Variants in DTX4 observed in about 807,000 individuals in gnomAD.
DTX4 encodes E3 ubiquitin-protein ligase DTX4.
A neutral mutation model predicts 57.6 loss-of-function variants in DTX4; 28 were observed. The observed-to-expected ratio is 0.49, with a 90% confidence interval of 0.36 to 0.67. The LOEUF (loss-of-function observed/expected upper bound fraction) is 0.67, where lower values mean the gene tolerates loss of function less well. Ranked by LOEUF, DTX4 falls within the 30% of genes least tolerant of loss-of-function variation. The pLI is 0.00. For synonymous variants in DTX4, 316 were observed against 331.0 expected (o/e 0.95, Z 0.49); for missense variants, 715 against 836.8 (o/e 0.85, Z 1.80).
At chr11:59,193,114 C>T (rs1256964945) in intron 6 of DTX4, among the ~76,000 whole-genome samples, 1 of 151,972 alleles carries the variant, frequency 6.6e-6, no homozygotes, top group African/African-American at 2.4e-5. Context: ...GATTATACGT[C>T]TGTCTGGTCT....
chr11:59,178,255 C>T (rs1225510870), intron 1 of DTX4, among the ~76,000 whole-genome samples: 1 of 151,060 alleles, frequency 6.6e-6, no homozygotes, highest in African/African-American at 2.4e-5. Context: ...TATGAGGGGG[C>T]CATGTATGTT....
rs1862809611 is a variant in DTX4 at position 59,206,432 on chromosome 11, C to G, written c.*1523C>G. ...CCAATTCCCCCTTTGAAAGTGGGTTCTTTGAACTATGTGTTTGGGGGAAGT... is the reference window on the plus strand; with the variant it reads ...CCAATTCCCCCTTTGAAAGTGGGTTGTTTGAACTATGTGTTTGGGGGAAGT... On this transcript the variant is annotated 3_prime_UTR_variant, in exon 9 of 9. Transcript: ENST00000227451. 1.3e-5 allele frequency: 2 copies of G among 151,330 alleles called. No individual in the cohort carries two copies. The highest frequency in any genetic ancestry group is 2.9e-5 in the Non-Finnish European group (2 of 67,932). The allele number at this position is 151,330 out of a possible 1,614,324, so 9.4% of individuals were successfully genotyped here. A position where few individuals can be genotyped will look rare whatever the true frequency, so the allele number is the denominator to read the frequency against.
chr11:59,205,388 G>T lies in DTX4; in HGVS notation c.*479G>T. 1 of 171,158 alleles carries T rather than the reference G, an allele frequency of 5.8e-6. No individual in the cohort carries two copies. Among genetic ancestry groups the T allele is most frequent in the East Asian group, 1.5e-4 (1 of 6,878 alleles). The allele number at this position is 171,158 out of a possible 1,614,324, so 10.6% of individuals were successfully genotyped here. A position where few individuals can be genotyped will look rare whatever the true frequency, so the allele number is the denominator to read the frequency against. ...GGGAGCTCTCACTGTGCAAGGTTGG[G>T]GGGTGGGCAAAGGGGTGAATCACTA... is the stretch of plus-strand genomic sequence containing the variant. On this transcript the variant is annotated 3_prime_UTR_variant, in exon 9 of 9. Coordinates refer to ENST00000227451, the MANE Select transcript of DTX4 (RefSeq NM_015177.2).
intron 7 of DTX4, among the ~76,000 whole-genome samples, chr11:59,196,639 C>G (rs1429834818): frequency 6.6e-6 from 1 of 152,212 alleles, no homozygotes; most frequent in Non-Finnish European, 1.5e-5. Flanking sequence ...GTAATACCAC[C>G]TGTGCTCTGC....
intron 1 of DTX4, among the ~76,000 whole-genome samples, chr11:59,176,724 A>C (rs1475744745): frequency 6.6e-6 from 1 of 152,204 alleles, no homozygotes; most frequent in Admixed American, 6.5e-5. Context: ...AGAAGCTGAA[A>C]GGTTTTGGGT....
In DTX4 at chr11:59,207,991, C is replaced by G. The variant is rs971212611; in HGVS notation, c.*3082C>G. ...GAAAGGACCCCTGACCCCTTTCCTT[C>G]TCTGTGGTCCCCGGCATTAGATTGG... On this transcript the variant is annotated 3_prime_UTR_variant, in exon 9 of 9. Coordinates refer to ENST00000227451, the MANE Select transcript of DTX4 (RefSeq NM_015177.2). The G allele has an allele frequency of 6.6e-6, 1 of 152,650 alleles. No homozygotes were observed. Among genetic ancestry groups the G allele is most frequent in the African/African-American group, 2.4e-5 (1 of 41,406 alleles). 9.5% of individuals were successfully genotyped at this position (152,650 alleles called of 1,614,324 possible).
Position 59,189,204 on chromosome 11 carries a change from G to T in DTX4, c.1040G>T (p.Cys347Phe). 2 of 1,613,708 alleles carry T rather than the reference G, an allele frequency of 1.2e-6. No homozygotes were observed. The highest frequency in any genetic ancestry group is 1.7e-6 in the Non-Finnish European group (2 of 1,179,836). ...ATGAGTGCAGCGGGGCTGCCTGTGT[G>T]TCTCACCAGGCCACCAAAGCTGGTC... ...ILMSAAGLPV[C>F]LTRPPKLVLH... The change falls in exon 4 of 9, where the codon TGT (cysteine) becomes TTT (phenylalanine). Residue 347 changes from cysteine (C) to phenylalanine (F), a missense_variant. Cys to Phe is a radical substitution (Grantham distance 205, BLOSUM62 -2). Coordinates refer to ENST00000227451, the MANE Select transcript of DTX4 (RefSeq NM_015177.2).
rs781084656 is a variant in DTX4, at chr11:59,181,980, C to T, written c.453C>T (p.Arg151=). ...TCAACCGTCAGACCCAGCGCCAACG[C>T]CGCGTCCGCCGGCGCCTCGACCTCA... ...GQINRQTQRQ[R]RVRRRLDLIY... The change falls in exon 2 of 9, where the codon CGC becomes CGT. Residue 151 remains arginine, a synonymous_variant. Coordinates refer to ENST00000227451, the MANE Select transcript of DTX4 (RefSeq NM_015177.2). 9 of 1,613,852 alleles carry T rather than the reference C, an allele frequency of 5.6e-6. No individual in the cohort carries two copies. Among genetic ancestry groups the T allele is most frequent in the African/African-American group, 1.3e-5 (1 of 74,918 alleles).
chr11:59,189,200 G>T lies in DTX4; in HGVS notation c.1036G>T (p.Val346Leu). 1.2e-6 allele frequency: 2 copies of T among 1,613,772 alleles called. No individual in the cohort carries two copies. Among genetic ancestry groups the T allele is most frequent in the Non-Finnish European group, 1.7e-6 (2 of 1,179,856 alleles). ...CCTCATGAGTGCAGCGGGGCTGCCT[G>T]TGTGTCTCACCAGGCCACCAAAGCT... ...GILMSAAGLP[V>L]CLTRPPKLVL... The change falls in exon 4 of 9, where the codon GTG becomes TTG. Residue 346 changes from valine to leucine, a missense_variant. By Grantham distance (32) the Val-to-Leu change is conservative (BLOSUM62 1). Coordinates refer to ENST00000227451, the MANE Select transcript of DTX4 (RefSeq NM_015177.2).
chr11:59,173,924 C>T (rs1049701485), intron 1 of DTX4, among the ~76,000 whole-genome samples: 1 of 152,116 alleles, frequency 6.6e-6, no homozygotes, highest in Non-Finnish European at 1.5e-5. Flanking sequence ...TCTGGCTCGG[C>T]TTTCCCAAGA....
intron 7 of DTX4, among the ~76,000 whole-genome samples, chr11:59,199,453 G>C (rs542304288): frequency 6.6e-6 from 1 of 152,340 alleles, no homozygotes; most frequent in African/African-American, 2.4e-5. Flanking sequence ...AGCCCCAAGA[G>C]AGGGTTCCAG....
At position 59,185,923 on chromosome 11, in the gene DTX4, G is replaced by A. The variant is rs114389328; in HGVS notation, c.936-2812G>A. Among the ~76,000 whole-genome samples, 701 of 152,244 alleles carry A rather than the reference G, an allele frequency of 4.6e-3. 6 individuals carry two copies. Among genetic ancestry groups the A allele is most frequent in the African/African-American group, 0.016 (678 of 41,536 alleles). ...TTAGGATGCCCTGTTCACGGCTGTGGTAACTTAGATATGGTCAACAGAACG... is the reference window on the plus strand; with the variant it reads ...TTAGGATGCCCTGTTCACGGCTGTGATAACTTAGATATGGTCAACAGAACG... On this transcript the variant is annotated intron_variant, in intron 2 of 8. Transcript: ENST00000227451.
chr11:59,197,442 G>C (rs746971022), intron 7 of DTX4, among the ~76,000 whole-genome samples: 1 of 152,162 alleles, frequency 6.6e-6, no homozygotes, highest in Non-Finnish European at 1.5e-5. Context: ...GCATGAAGGA[G>C]ATGGAGGGAG....
At chr11:59,184,830 ATCT>A (rs1862508223) in intron 2 of DTX4, among the ~76,000 whole-genome samples, 1 of 152,018 alleles carries the variant, frequency 6.6e-6, no homozygotes, top group Non-Finnish European at 1.5e-5. Context: ...ACTCCTCTCG[ATCT>A]TCCAGCCCTT....
At chr11:59,173,391 G>C (rs975440836) in intron 1 of DTX4, among the ~76,000 whole-genome samples, 1 of 152,224 alleles carries the variant, frequency 6.6e-6, no homozygotes, top group African/African-American at 2.4e-5. Context: ...TAAGGGAAGC[G>C]CCGGGCTCCC....
chr11:59,198,159 G>T (rs61410587), intron 7 of DTX4, among the ~76,000 whole-genome samples: 4 of 152,176 alleles, frequency 2.6e-5, no homozygotes, highest in Non-Finnish European at 1.5e-5. Flanking sequence ...TATTCCCTTG[G>T]GGAGAAACTC....
At chr11:59,200,750 G>A (rs1017220101) in intron 8 of DTX4, among the ~76,000 whole-genome samples, 9 of 152,180 alleles carry the variant, frequency 5.9e-5, no homozygotes, top group African/African-American at 1.7e-4. Context: ...TTCTATGGAT[G>A]AGGCCAGAAA....
At chr11:59,204,620 T>C in intron 8 of DTX4, 56 bp from the exon 9 acceptor site, 1 of 1,492,392 alleles carries the variant, frequency 6.7e-7, no homozygotes, top group Non-Finnish European at 9.2e-7. Context: ...GTCCAAGGGA[T>C]AGTCTTTGAC....
At position 59,180,598 on chromosome 11, in the gene DTX4, T is replaced by C. The variant is rs372732404; in HGVS notation, c.212-1141T>C. ...GATGGATAGAGCTTAAGCTGACAGA[T>C]GCAGAGATTCCAGCATCCCAGGGGC... is the stretch of plus-strand genomic sequence containing the variant. On this transcript the variant is annotated intron_variant, in intron 1 of 8. Transcript: ENST00000227451. 1.4e-4 allele frequency among the ~76,000 whole-genome samples: 22 copies of C among 152,282 alleles called. No individual in the cohort carries two copies. In the East Asian group the frequency reaches 2.3e-3, roughly 16 times the overall value.
Sources: allele counts gnomAD v4.1 joint callset (sites outside exome capture counted in the v4.1 genomes callset), GRCh38; gene constraint gnomAD v4.1.1; transcripts MANE v1.5; gene names NCBI Gene and HGNC (gene_info 2026-07-23, HGNC 2026-07-21).